PDE1C: variants seen among roughly 807,000 people sequenced by gnomAD.
PDE1C encodes phosphodiesterase 1C.
Under a neutral mutation model 93.1 loss-of-function variants are expected in PDE1C, and 62 were observed. The observed-to-expected ratio is 0.67, with a 90% confidence interval of 0.54 to 0.82. The LOEUF is 0.82. Among genes scored for constraint, PDE1C ranks in the 40% least tolerant of loss-of-function variants. The probability of loss-of-function intolerance (pLI) is 0.00; values close to 1 mark genes in which losing one functional copy is unlikely to be tolerated. For missense variants in PDE1C, 742 were observed against 884.6 expected (o/e 0.84, Z 2.04); for synonymous variants, 325 against 310.1 (o/e 1.05, Z -0.50).
chr7:31,640,774 T>A, the PDE1C span, among the ~76,000 whole-genome samples: 2 of 152,232 alleles, frequency 1.3e-5, no homozygotes, highest in Non-Finnish European at 2.9e-5. Context: ...AAATATTTTC[T>A]ATTTTTTTAC....
intron 1 of PDE1C, among the ~76,000 whole-genome samples, chr7:32,331,897 A>G (rs1278032607): frequency 2.6e-5 from 4 of 152,198 alleles, no homozygotes; most frequent in Admixed American, 6.5e-5. Flanking sequence ...ATCCCTTGAT[A>G]TGGCTCAGAG....
At chr7:32,285,658 G>C (rs1315450781) in intron 1 of PDE1C, among the ~76,000 whole-genome samples, 1 of 150,934 alleles carries the variant, frequency 6.6e-6, no homozygotes, top group Non-Finnish European at 1.5e-5. Context: ...GGAAAAGAAA[G>C]GGAGAAAAGG....
At chr7:32,374,233 A>G (rs1784386070) in intron 1 of PDE1C, among the ~76,000 whole-genome samples, 95 of 146,072 alleles carry the variant, frequency 6.5e-4, no homozygotes, top group African/African-American at 2.1e-3. Context: ...AGAAAGAAAA[A>G]GAAAGAAGGA....
chr7:31,665,166 G>C, the PDE1C span, among the ~76,000 whole-genome samples: 1 of 152,092 alleles, frequency 6.6e-6, no homozygotes, highest in Admixed American at 6.6e-5. Flanking sequence ...CCTGCCAGGG[G>C]CTTTTCCCTC....
At chr7:32,183,426 C>G (rs1455495872) in intron 2 of PDE1C, among the ~76,000 whole-genome samples, 3 of 152,176 alleles carry the variant, frequency 2.0e-5, no homozygotes. Context: ...GTAACCAAAA[C>G]AGCATGGTAC....
At chr7:31,974,011 T>C (rs924109587) in intron 2 of PDE1C, among the ~76,000 whole-genome samples, 18 of 152,210 alleles carry the variant, frequency 1.2e-4, no homozygotes, top group African/African-American at 3.6e-4. Context: ...ATGGCTCCTG[T>C]AGGCTTGGAT....
chr7:31,837,573 T>C (rs922085299), intron 10 of PDE1C, among the ~76,000 whole-genome samples: 6 of 152,328 alleles, frequency 3.9e-5, no homozygotes. Context: ...AGTCACTGAC[T>C]TTTATTGGTT....
At chr7:32,211,568 G>C (rs1403423426) in intron 1 of PDE1C, among the ~76,000 whole-genome samples, 1 of 142,990 alleles carries the variant, frequency 7.0e-6, no homozygotes, top group Non-Finnish European at 1.5e-5. Context: ...TATAACCAAA[G>C]TTATCTTATA....
intron 3 of PDE1C, among the ~76,000 whole-genome samples, chr7:32,081,193 G>C (rs1389822715): frequency 6.6e-6 from 1 of 152,166 alleles, no homozygotes; most frequent in Non-Finnish European, 1.5e-5. Flanking sequence ...TCCTCAATGG[G>C]ATTTAGGAAG....
intron 1 of PDE1C, among the ~76,000 whole-genome samples, chr7:32,374,954 G>T (rs774067912): frequency 6.6e-6 from 1 of 152,166 alleles, no homozygotes; most frequent in Non-Finnish European, 1.5e-5. Context: ...AAGCACCACC[G>T]AGTTCCCAGG....
downstream of PDE1C, among the ~76,000 whole-genome samples, chr7:31,750,812 A>T (rs1392882448): frequency 2.0e-5 from 3 of 152,136 alleles, no homozygotes; most frequent in African/African-American, 7.2e-5. Context: ...GCTCACTGCA[A>T]GCTCTGCCTC....
At chr7:32,316,249 A>G (rs1783168300) in intron 1 of PDE1C, among the ~76,000 whole-genome samples, 1 of 152,216 alleles carries the variant, frequency 6.6e-6, no homozygotes, top group Non-Finnish European at 1.5e-5. Flanking sequence ...AGAAACCTGG[A>G]AATTACATGT....
chr7:31,849,164 C>T (rs1397278527), intron 8 of PDE1C, among the ~76,000 whole-genome samples: 1 of 152,152 alleles, frequency 6.6e-6, no homozygotes, highest in Admixed American at 6.6e-5. Context: ...AAGTTAGATA[C>T]CAACTGATGT....
At chr7:31,938,937 A>G (rs1181861294) in intron 2 of PDE1C, among the ~76,000 whole-genome samples, 2 of 152,186 alleles carry the variant, frequency 1.3e-5, no homozygotes, top group Non-Finnish European at 2.9e-5. Context: ...CATTGTCAAG[A>G]GCTCAGCACC....
intron 1 of PDE1C, among the ~76,000 whole-genome samples, chr7:32,261,169 T>G (rs536178739): frequency 2.1e-4 from 31 of 150,430 alleles, no homozygotes; most frequent in Non-Finnish European, 4.1e-4. Flanking sequence ...GCTCCAAGAG[T>G]CTGAACCTCC....
At chr7:31,619,810 C>G in the PDE1C span, among the ~76,000 whole-genome samples, 14 of 152,152 alleles carry the variant, frequency 9.2e-5, no homozygotes, top group Admixed American at 6.5e-5. Context: ...GAGGCATTGC[C>G]TCCCTCGGGA....
Position 32,180,561 on chromosome 7 carries a change from C to G in PDE1C, c.137-10605G>C, listed in dbSNP as rs149832453. Among the ~76,000 whole-genome samples the G allele has an allele frequency of 6.7e-4, 102 of 152,306 alleles. 2 individuals are homozygous for G. The East Asian group carries it at 0.019, about 29-fold the overall frequency. Reference sequence around the variant, plus strand: ...CTCAGAGGACACAGCAACCAGTCATCATCTTGGAAGCAGAAATCAGGCCCT... The same window carrying G: ...CTCAGAGGACACAGCAACCAGTCATGATCTTGGAAGCAGAAATCAGGCCCT... On this transcript the variant is annotated intron_variant, in intron 2 of 18. Transcript: ENST00000396193.
At chr7:31,620,673 A>T in the PDE1C span, among the ~76,000 whole-genome samples, 1 of 151,558 alleles carries the variant, frequency 6.6e-6, no homozygotes, top group Non-Finnish European at 1.5e-5. Context: ...AACAGAACAG[A>T]AAAACTGGAA....
intron 1 of PDE1C, among the ~76,000 whole-genome samples, chr7:32,358,305 A>G (rs1198291878): frequency 6.6e-6 from 1 of 152,230 alleles, no homozygotes; most frequent in Non-Finnish European, 1.5e-5. Context: ...TCGGAACTTA[A>G]TGTTGACTTC....
Sources: allele counts gnomAD v4.1 joint callset (sites outside exome capture counted in the v4.1 genomes callset), GRCh38; gene constraint gnomAD v4.1.1; transcripts MANE v1.5; gene names NCBI Gene and HGNC (gene_info 2026-07-23, HGNC 2026-07-21).